The following HNRNPH3 variants were observed in gnomAD, a reference collection of about 807,000 sequenced individuals.
HNRNPH3 encodes heterogeneous nuclear ribonucleoprotein 2H9.
In HNRNPH3, 7 loss-of-function variants were observed where a neutral mutation model predicts 47.0. The observed-to-expected ratio is 0.15, with a 90% CI of 0.08 to 0.28. The LOEUF is 0.28. Ranked by LOEUF, HNRNPH3 falls within the 10% of genes least tolerant of loss-of-function variation. The pLI is 1.00. For synonymous variants in HNRNPH3, 120 were observed against 143.2 expected (o/e 0.84, Z 1.16); for missense variants, 279 against 449.6 (o/e 0.62, Z 3.43).
chr10:68,342,058 C>CAA lies in HNRNPH3; in HGVS notation c.*8_*9dup. ...TGGATGGCGTGGGATGTACTGAAAG[C>CAA]AAAAACACCAACATACAAGTCTTGA... On this transcript the variant is annotated 3_prime_UTR_variant, in exon 10 of 10. Transcript: ENST00000265866. The CAA allele has an allele frequency of 6.2e-7, 1 of 1,607,682 alleles. No homozygotes were observed. The highest frequency in any genetic ancestry group is 8.5e-7 in the Non-Finnish European group (1 of 1,176,356).
At chr10:68,339,315 TAA>T (rs2045710527) in intron 5 of HNRNPH3, 89 bp downstream of exon 5, 7 of 1,568,016 alleles carry the variant, frequency 4.5e-6, no homozygotes, top group Non-Finnish European at 6.1e-6. Flanking sequence ...GAAACTTGTA[TAA>T]AGTTAATTCA....
At chr10:68,341,482 C>A in intron 7 of HNRNPH3, 103 bp from the exon 8 acceptor site, 1 of 1,017,084 alleles carries the variant, frequency 9.8e-7, no homozygotes, top group Non-Finnish European at 1.5e-6. Context: ...AATAAGCATA[C>A]TTTGTTTAAT....
chr10:68,341,080 G>C (rs1045736436), intron 6 of HNRNPH3, 94 bp from the exon 7 acceptor site: 4 of 821,342 alleles, frequency 4.9e-6, no homozygotes, highest in Non-Finnish European at 7.6e-6. Context: ...GCAGTGGAAG[G>C]GTTTGTTTTA....
At chr10:68,339,808 A>C (rs2045761740) in intron 6 of HNRNPH3, among the ~76,000 whole-genome samples, 1 of 151,592 alleles carries the variant, frequency 6.6e-6, no homozygotes, top group Non-Finnish European at 1.5e-5. Flanking sequence ...CCTCCCGAGT[A>C]GCTGGAACTA....
chr10:68,340,544 G>C (rs1156635369), intron 6 of HNRNPH3, among the ~76,000 whole-genome samples: 1 of 152,160 alleles, frequency 6.6e-6, no homozygotes, highest in African/African-American at 2.4e-5. Context: ...CCTGTTGAGT[G>C]GTTACATTAG....
Position 68,337,698 on chromosome 10 carries a change from T to C in HNRNPH3, c.113-160T>C, listed in dbSNP as rs1265982189. ...AAAAATTTATTTAATCCAGTAATAT[T>C]TGAAAAAATCTTTCATTTGTATTAT... is the stretch of plus-strand genomic sequence containing the variant. On this transcript the variant is annotated intron_variant, in intron 2 of 9. Transcript: ENST00000265866. This position sits in a 1 kb window ranked among gnomAD's most constrained non-coding sequence, Gnocchi z 4.5. 1 of 643,274 alleles carries C rather than the reference T, an allele frequency of 1.6e-6. No homozygotes were observed. Among genetic ancestry groups the C allele is most frequent in the African/African-American group, 1.8e-5 (1 of 54,998 alleles). 39.8% of individuals were successfully genotyped at this position (643,274 alleles called of 1,614,324 possible). A position where few individuals can be genotyped will look rare whatever the true frequency, so the allele number is the denominator to read the frequency against.
At chr10:68,335,505 C>T (rs1488196093) in intron 1 of HNRNPH3, among the ~76,000 whole-genome samples, 1 of 151,736 alleles carries the variant, frequency 6.6e-6, no homozygotes, top group Non-Finnish European at 1.5e-5. Flanking sequence ...GGATTGGGGC[C>T]GCCTCCTCTC....
Position 68,340,320 on chromosome 10 carries a change from G to A in HNRNPH3, c.639+765G>A, listed in dbSNP as rs1199704794. On this transcript the variant is annotated intron_variant, in intron 6 of 9. Coordinates refer to ENST00000265866, the MANE Select transcript of HNRNPH3 (RefSeq NM_012207.3). ...TGGGATTACAGGCGTGAGCCACTGC[G>A]CCTGACCTGTATTAGGGTTTGAAAG... 3.9e-5 allele frequency among the ~76,000 whole-genome samples: 6 copies of A among 152,158 alleles called. No individual in the cohort carries two copies. In the South Asian group the frequency reaches 1.0e-3, roughly 26 times the overall value.
In HNRNPH3 at chr10:68,342,237, A is replaced by T. The variant is rs1481984074; in HGVS notation, c.*183A>T. 3 of 510,244 alleles carry T rather than the reference A, an allele frequency of 5.9e-6. No individual in the cohort carries two copies. The highest frequency in any genetic ancestry group is 1.0e-5 in the Non-Finnish European group (3 of 287,584). The allele number at this position is 510,244 out of a possible 1,614,324, so 31.6% of individuals were successfully genotyped here. A position where few individuals can be genotyped will look rare whatever the true frequency, so the allele number is the denominator to read the frequency against. On this transcript the variant is annotated 3_prime_UTR_variant, in exon 10 of 10. Transcript: ENST00000265866. ...TGTTTTCTGTAGGTTTATTTGTTGC[A>T]TACTTTGACTTAAAAATAAATTTTT...
rs2045597950 is a variant in HNRNPH3, at chr10:68,337,413, C to G, written c.112+80C>G. On this transcript the variant is annotated intron_variant, in intron 2 of 9. Coordinates refer to ENST00000265866, the MANE Select transcript of HNRNPH3 (RefSeq NM_012207.3). This position sits in a 1 kb window ranked among gnomAD's most constrained non-coding sequence, Gnocchi z 4.5. Reference sequence around the variant, plus strand: ...TTTTACTGTTTTTAATTTGTAAAACCCATTTGATTTTGGAACTTTTAAGTT... The same window carrying G: ...TTTTACTGTTTTTAATTTGTAAAACGCATTTGATTTTGGAACTTTTAAGTT... The G allele has an allele frequency of 1.1e-6, 1 of 913,380 alleles. No homozygotes were observed. The highest frequency in any genetic ancestry group is 1.7e-6 in the Non-Finnish European group (1 of 583,030). The allele number at this position is 913,380 out of a possible 1,614,324, so 56.6% of individuals were successfully genotyped here.
intron 6 of HNRNPH3, among the ~76,000 whole-genome samples, chr10:68,340,543 T>G (rs2045844114): frequency 6.6e-6 from 1 of 152,138 alleles, no homozygotes; most frequent in Non-Finnish European, 1.5e-5. Context: ...ACCTGTTGAG[T>G]GGTTACATTA....
intron 3 of HNRNPH3, 65 bp from the exon 4 acceptor site, chr10:68,338,438 C>A: frequency 1.0e-6 from 1 of 964,084 alleles, no homozygotes; most frequent in Non-Finnish European, 1.5e-6. Context: ...CTGCATTTTG[C>A]CCAGTATCTA....
At chr10:68,341,505 ATCT>A (rs2045937271) in intron 7 of HNRNPH3, 77 bp from the exon 8 acceptor site, 3 of 1,092,152 alleles carry the variant, frequency 2.7e-6, no homozygotes, top group Non-Finnish European at 2.7e-6. Flanking sequence ...TACTTAATTG[ATCT>A]TTTTTACAAA....
In HNRNPH3 at chr10:68,337,823, TC is replaced by T; in HGVS notation, c.113-31del. ...GGAATGTTTCAGCCTTTAACACTGTTCCCCTTGATGGGGTTATTTGTCCTTG... is the reference window on the plus strand; with the variant it reads ...GGAATGTTTCAGCCTTTAACACTGTTCCCTTGATGGGGTTATTTGTCCTTG... On this transcript the variant is annotated intron_variant, in intron 2 of 9. Coordinates refer to ENST00000265866, the MANE Select transcript of HNRNPH3 (RefSeq NM_012207.3). The surrounding 1 kb of genome is among the most constrained non-coding windows in gnomAD (Gnocchi z 4.5). 6.4e-7 allele frequency: 1 copy of T among 1,571,588 alleles called. No individual in the cohort carries two copies. Among genetic ancestry groups the T allele is most frequent in the Non-Finnish European group, 8.7e-7 (1 of 1,147,988 alleles).
intron 7 of HNRNPH3, 125 bp downstream of exon 7, chr10:68,341,434 GCTTT>G: frequency 4.6e-6 from 5 of 1,089,450 alleles, no homozygotes; most frequent in East Asian, 2.4e-5. Flanking sequence ...CTCTATAATG[GCTTT>G]CTGTGGGCTT....
intron 1 of HNRNPH3, among the ~76,000 whole-genome samples, chr10:68,333,991 TC>T (rs1428298171): frequency 6.6e-6 from 1 of 152,202 alleles, no homozygotes; most frequent in Non-Finnish European, 1.5e-5. Context: ...CTTTTTTCTG[TC>T]CTCTTTTCAT....
At chr10:68,338,314 C>T (rs1366312212) in intron 3 of HNRNPH3, 189 bp from the exon 4 acceptor site, 3 of 455,100 alleles carry the variant, frequency 6.6e-6, no homozygotes, top group East Asian at 6.7e-5. Context: ...TTTTCCGTGA[C>T]TAATTTCTTT....
chr10:68,332,437 A>T (rs1220431403), intron 1 of HNRNPH3, among the ~76,000 whole-genome samples: 1 of 152,144 alleles, frequency 6.6e-6, no homozygotes, highest in Admixed American at 6.5e-5. Context: ...TCAGTGGACG[A>T]CGCCGAGGCC....
chr10:68,341,141 T>A, intron 6 of HNRNPH3, 33 bp from the exon 7 acceptor site: 1 of 1,457,062 alleles, frequency 6.9e-7, no homozygotes, highest in Non-Finnish European at 9.3e-7. Flanking sequence ...ATATTCTCAA[T>A]AGAAAAGTAA....
Sources: allele counts gnomAD v4.1 joint callset (sites outside exome capture counted in the v4.1 genomes callset), GRCh38; gene constraint gnomAD v4.1.1; non-coding constraint Gnocchi (gnomAD v3.1); transcripts MANE v1.5; gene names NCBI Gene and HGNC (gene_info 2026-07-23, HGNC 2026-07-21).